Variants in PLXDC2 observed in about 807,000 individuals in gnomAD.
PLXDC2 encodes the protein plexin domain-containing protein 2.
A neutral mutation model predicts 68.9 loss-of-function variants in PLXDC2; 40 were observed. That is an observed-to-expected ratio of 0.58 (90% CI 0.45 to 0.76). The LOEUF (loss-of-function observed/expected upper bound fraction) is 0.76, where lower values mean the gene tolerates loss of function less well. Among genes scored for constraint, PLXDC2 ranks in the 30% least tolerant of loss-of-function variants. The pLI, the probability that PLXDC2 is intolerant of heterozygous loss-of-function variation, is 0.00. For missense variants in PLXDC2, 644 were observed against 661.9 expected (o/e 0.97, Z 0.30); for synonymous variants, 243 against 234.2 (o/e 1.04, Z -0.34).
intron 1 of PLXDC2, among the ~76,000 whole-genome samples, chr10:19,968,703 T>C (rs1287451826): frequency 6.6e-6 from 1 of 152,218 alleles, no homozygotes; most frequent in Non-Finnish European, 1.5e-5. Flanking sequence ...AGCAGTGCTA[T>C]TCATCCAAGC....
chr10:19,910,008 C>T (rs1369169466), intron 1 of PLXDC2, among the ~76,000 whole-genome samples: 6 of 152,004 alleles, frequency 3.9e-5, no homozygotes, highest in Non-Finnish European at 8.8e-5. Context: ...ATCAAAAATC[C>T]GTGTTTTGCC....
intron 1 of PLXDC2, among the ~76,000 whole-genome samples, chr10:19,864,765 G>A (rs11593584): frequency 0.045 from 6,788 of 152,254 alleles, 193 homozygotes; most frequent in Middle Eastern, 0.12. Context: ...AAGTGGACTG[G>A]GCAAACAAGT....
intron 9 of PLXDC2, among the ~76,000 whole-genome samples, chr10:20,195,698 C>T (rs1834827979): frequency 6.6e-6 from 1 of 152,164 alleles, no homozygotes. Context: ...AAAGATGTTT[C>T]CTTGATGAGG....
chr10:20,078,774 C>T (rs113864848), intron 4 of PLXDC2, among the ~76,000 whole-genome samples: 429 of 152,228 alleles, frequency 2.8e-3, no homozygotes, highest in African/African-American at 9.9e-3. Context: ...TTTATTTTAA[C>T]AGAGATGGGT....
intron 2 of PLXDC2, among the ~76,000 whole-genome samples, 183 bp from the exon 3 acceptor site, chr10:20,046,686 C>G (rs978467021): frequency 2.6e-5 from 4 of 151,962 alleles, no homozygotes; most frequent in Admixed American, 6.6e-5. Flanking sequence ...TTTTTTCTTA[C>G]AGTTCGTATG....
intron 9 of PLXDC2, among the ~76,000 whole-genome samples, chr10:20,181,145 T>C (rs1200471568): frequency 6.6e-6 from 1 of 151,960 alleles, no homozygotes; most frequent in Admixed American, 6.6e-5. Flanking sequence ...TATAGCAAAA[T>C]TGGTAACAAT....
rs538263760 is a variant in PLXDC2, at chr10:20,096,305, A to G, written c.541+28066A>G. Among the ~76,000 whole-genome samples, 6 of 152,284 alleles carry G rather than the reference A, an allele frequency of 3.9e-5. No homozygotes were observed. In the East Asian group the frequency reaches 1.2e-3, roughly 29 times the overall value. On this transcript the variant is annotated intron_variant, in intron 4 of 13. Coordinates refer to ENST00000377252, the MANE Select transcript of PLXDC2 (RefSeq NM_032812.9). The stretch of plus-strand genomic sequence containing the variant: ...TTTTTAAATCAGGGCTAGAGAAACT[A>G]ATTGTGGAATTATTACCTTATAGAT...
chr10:20,164,390 A>G (rs1397596987), intron 6 of PLXDC2, 78 bp from the exon 7 acceptor site: 3 of 1,151,520 alleles, frequency 2.6e-6, no homozygotes, highest in Non-Finnish European at 3.9e-6. Context: ...TGTCCATGAA[A>G]CAAGAGGATC....
chr10:20,142,918 G>A (rs192167627), intron 4 of PLXDC2, among the ~76,000 whole-genome samples: 5 of 152,114 alleles, frequency 3.3e-5, no homozygotes, highest in African/African-American at 1.2e-4. Flanking sequence ...TAATTAAAAG[G>A]ACTTGTGTGG....
At chr10:19,818,419 G>A (rs1403638936) in intron 1 of PLXDC2, among the ~76,000 whole-genome samples, 1 of 152,116 alleles carries the variant, frequency 6.6e-6, no homozygotes, top group African/African-American at 2.4e-5. Flanking sequence ...AATTTACCAA[G>A]CCGCGACTTA....
chr10:20,206,562 G>A (rs1250284537), intron 9 of PLXDC2, among the ~76,000 whole-genome samples: 1 of 152,102 alleles, frequency 6.6e-6, no homozygotes, highest in African/African-American at 2.4e-5. Flanking sequence ...TAGAGCAAAA[G>A]GAGGGTATGA....
chr10:20,213,733 C>T (rs1835100043), intron 10 of PLXDC2, among the ~76,000 whole-genome samples: 1 of 152,062 alleles, frequency 6.6e-6, no homozygotes. Context: ...GGAAATTTTT[C>T]ATGAACAAGT....
intron 3 of PLXDC2, among the ~76,000 whole-genome samples, chr10:20,051,261 A>G (rs1005359123): frequency 6.6e-6 from 1 of 151,754 alleles, no homozygotes; most frequent in African/African-American, 2.4e-5. Context: ...GAGGCAGAGG[A>G]GCAGAAAAGG....
chr10:20,179,963 G>A (rs1305166889), intron 9 of PLXDC2, among the ~76,000 whole-genome samples: 3 of 152,002 alleles, frequency 2.0e-5, no homozygotes, highest in Non-Finnish European at 4.4e-5. Context: ...TGTCACACCT[G>A]CCAGGTTGCA....
intron 4 of PLXDC2, among the ~76,000 whole-genome samples, chr10:20,115,535 T>C (rs1833610476): frequency 6.6e-6 from 1 of 152,160 alleles, no homozygotes. Context: ...ACCCATTATA[T>C]CTTTCCTGAG....
intron 4 of PLXDC2, among the ~76,000 whole-genome samples, chr10:20,072,594 A>G (rs192939917): frequency 6.6e-6 from 1 of 151,624 alleles, no homozygotes; most frequent in Admixed American, 6.6e-5. Context: ...TCCAGCAAGC[A>G]TTGGGTTTCT....
intron 12 of PLXDC2, among the ~76,000 whole-genome samples, chr10:20,241,066 A>G (rs181526582): frequency 6.6e-6 from 1 of 152,342 alleles, no homozygotes; most frequent in Admixed American, 6.5e-5. Context: ...AATAAACTAG[A>G]CTCTGTACAA....
intron 12 of PLXDC2, among the ~76,000 whole-genome samples, chr10:20,219,724 A>G (rs977211903): frequency 2.6e-5 from 4 of 152,270 alleles, no homozygotes; most frequent in Admixed American, 6.5e-5. Flanking sequence ...CTTTTAAACT[A>G]TGTTGGCTCA....
chr10:19,857,809 G>A (rs972026960), intron 1 of PLXDC2, among the ~76,000 whole-genome samples: 8 of 152,094 alleles, frequency 5.3e-5, no homozygotes, highest in African/African-American at 1.9e-4. Context: ...CATAGGAGTA[G>A]ATGTAAAGAA....
Sources: allele counts gnomAD v4.1 joint callset (sites outside exome capture counted in the v4.1 genomes callset), GRCh38; gene constraint gnomAD v4.1.1; transcripts MANE v1.5; gene names NCBI Gene and HGNC (gene_info 2026-07-23, HGNC 2026-07-21).